Variants in INTS11 observed in about 807,000 individuals in gnomAD.
INTS11 encodes the protein CPSF3-like protein.
Under a neutral mutation model 78.6 loss-of-function variants are expected in INTS11, and 77 were observed. The observed-to-expected ratio is 0.98, with a 90% CI of 0.81 to 1.18. The LOEUF (loss-of-function observed/expected upper bound fraction) is 1.18. Among genes scored for constraint, INTS11 ranks in the 50% most tolerant of loss-of-function variants. The probability of loss-of-function intolerance (pLI) is 0.00; values close to 1 mark genes in which losing one functional copy is unlikely to be tolerated. For missense variants in INTS11, 875 were observed against 825.9 expected (o/e 1.06, Z -0.73); for synonymous variants, 441 against 326.9 (o/e 1.35, Z -3.77).
chr1:1,319,140 G>A (rs542718607), intron 4 of INTS11, 156 bp downstream of exon 4: 36 of 815,674 alleles, frequency 4.4e-5, no homozygotes, highest in South Asian at 4.3e-4. Context: ...TCGCGCTGAC[G>A]CCTCCTGGTG....
In INTS11 at chr1:1,311,847, G is replaced by T; in HGVS notation, c.*12C>A. ...GAGAGGGCAGAGGTGGCGGCTGGGT[G>T]AGTTGCCGGCCTCAGCTGGGGGCCT... On this transcript the variant is annotated 3_prime_UTR_variant, in exon 17 of 17. Transcript: ENST00000435064. The T allele has an allele frequency of 6.5e-7, 1 of 1,542,380 alleles. No individual in the cohort carries two copies. Among genetic ancestry groups the T allele is most frequent in the Non-Finnish European group, 8.7e-7 (1 of 1,144,320 alleles).
rs1251449785 is a variant in INTS11 at position 1,314,626 on chromosome 1, T to G, written c.702+198A>C. 1 of 706,496 alleles carries G rather than the reference T, an allele frequency of 1.4e-6. No individual in the cohort carries two copies. Among genetic ancestry groups the G allele is most frequent in the African/African-American group, 1.8e-5 (1 of 55,668 alleles). 43.8% of individuals were successfully genotyped at this position (706,496 alleles called of 1,614,324 possible). A position where few individuals can be genotyped will look rare whatever the true frequency, so the allele number is the denominator to read the frequency against. On this transcript the variant is annotated intron_variant, in intron 7 of 16. Transcript: ENST00000435064. The surrounding 1 kb of genome is among the most constrained non-coding windows in gnomAD (Gnocchi z 4.2). ...GCCAGGGCTTCGTCCGCACCTGAGGTAGGAGGGAAAAGGGGCTCCCTAGGA... is the reference window on the plus strand; with the variant it reads ...GCCAGGGCTTCGTCCGCACCTGAGGGAGGAGGGAAAAGGGGCTCCCTAGGA...
intron 8 of INTS11, 40 bp from the exon 9 acceptor site, chr1:1,313,961 G>C (rs747267735): frequency 6.3e-7 from 1 of 1,590,754 alleles, no homozygotes; most frequent in Non-Finnish European, 8.6e-7. Flanking sequence ...GGCCACAGGG[G>C]AGAATGCTGC....
chr1:1,320,931 G>A (rs763518380), intron 2 of INTS11, 65 bp downstream of exon 2: 2 of 1,405,372 alleles, frequency 1.4e-6, no homozygotes, highest in South Asian at 2.3e-5. Context: ...CGGCTCTGAG[G>A]CCCAGGGTCC....
rs1277013470 is a variant in INTS11 at position 1,312,158 on chromosome 1, G to A, written c.1608-11C>T. On this transcript the variant is annotated splice_polypyrimidine_tract_variant and intron_variant, in intron 15 of 16. Coordinates refer to ENST00000435064, the MANE Select transcript of INTS11 (RefSeq NM_017871.6). ...TGGTCCTTCAGGACGCTGTGGGGAG[G>A]CTCGGTGAGACCCTGCCTGGCCTCC... 2 of 1,509,728 alleles carry A rather than the reference G, an allele frequency of 1.3e-6. No individual in the cohort carries two copies. The allele number at this position is 1,509,728 out of a possible 1,614,324, so 93.5% of individuals were successfully genotyped here.
At chr1:1,318,848 C>T (rs982042478) in intron 4 of INTS11, 9 of 624,460 alleles carry the variant, frequency 1.4e-5, no homozygotes, top group East Asian at 2.8e-5. Context: ...ACCTGTCACT[C>T]GCTGATTTAA....
In INTS11 at chr1:1,312,131, AGT is replaced by A. The variant is rs2100555022; in HGVS notation, c.1622_1623del (p.His541LeufsTer24). On this transcript the variant is annotated frameshift_variant, in exon 16 of 17. Transcript: ENST00000435064. LOFTEE classifies it high-confidence loss of function. Reference protein sequence around the residue: ...YSHLKSVLKDHCVQHLPDGSV... With the variant: ...YSHLKSVLKDXCVQHLPDGSV... Reference sequence around the variant, plus strand: ...GAGCCGTCTGGGAGGTGCTGCACACAGTGGTCCTTCAGGACGCTGTGGGGAGG... The same window carrying A: ...GAGCCGTCTGGGAGGTGCTGCACACAGGTCCTTCAGGACGCTGTGGGGAGG... The A allele has an allele frequency of 6.5e-7, 1 of 1,535,936 alleles. No homozygotes were observed. Among genetic ancestry groups the A allele is most frequent in the Non-Finnish European group, 8.7e-7 (1 of 1,148,506 alleles).
intron 4 of INTS11, chr1:1,318,805 C>T: frequency 5.1e-6 from 3 of 593,712 alleles, no homozygotes; most frequent in Non-Finnish European, 3.1e-6. Flanking sequence ...GAGACACAGA[C>T]AAACCCATAA....
At chr1:1,318,516 G>A (rs998730138) in intron 4 of INTS11, 3 of 186,118 alleles carry the variant, frequency 1.6e-5, no homozygotes, top group African/African-American at 7.0e-5. Flanking sequence ...TAAATTAGCT[G>A]GGCGTATGGG....
Position 1,313,536 on chromosome 1 carries a change from C to A in INTS11, c.1014G>T (p.Arg338=). 1 of 1,613,038 alleles carries A rather than the reference C, an allele frequency of 6.2e-7. No homozygotes were observed. The highest frequency in any genetic ancestry group is 8.5e-7 in the Non-Finnish European group (1 of 1,180,020). The change falls in exon 10 of 17, where the codon CGG becomes CGT. Residue 338 remains arginine (R), a synonymous_variant. Coordinates refer to ENST00000435064, the MANE Select transcript of INTS11 (RefSeq NM_017871.6). ...TGTTCTTTTCGTTTCCGGCCCATTT[C>A]CGGAAGATCTGCAGGGACTGCCCAG... ...LHAGQSLQIF[R]KWAGNEKNMV...
Position 1,315,138 on chromosome 1 carries a change from C to A in INTS11, c.564-176G>T, listed in dbSNP as rs1642500429. ...CACACTTGGGAAGAGAGAGGAGAGA[C>A]AGAGGCACCCACCCAGACACTTCGG... On this transcript the variant is annotated intron_variant, in intron 6 of 16. Coordinates refer to ENST00000435064, the MANE Select transcript of INTS11 (RefSeq NM_017871.6). The A allele has an allele frequency of 7.5e-6, 6 of 804,846 alleles. No individual in the cohort carries two copies. The South Asian group carries it at 1.1e-4, about 14-fold the overall frequency. The allele number at this position is 804,846 out of a possible 1,614,324, so 49.9% of individuals were successfully genotyped here.
Position 1,313,804 on chromosome 1 carries a change from C to T in INTS11, c.885G>A (p.Val295=). The change falls in exon 9 of 17, where the codon GTG becomes GTA. Residue 295 remains valine, a synonymous_variant. Transcript: ENST00000435064. ...GCTTGAACTCAAACATGTTCCTCTG[C>T]ACGAAAGTCTTGCGGATCTTCTGGT... is the stretch of plus-strand genomic sequence containing the variant. ...WTNQKIRKTF[V]QRNMFEFKHI... 2 of 1,613,548 alleles carry T rather than the reference C, an allele frequency of 1.2e-6. No homozygotes were observed. Among genetic ancestry groups the T allele is most frequent in the Non-Finnish European group, 1.7e-6 (2 of 1,179,994 alleles).
chr1:1,314,694 T>G lies in INTS11; in HGVS notation c.702+130A>C. The G allele has an allele frequency of 8.7e-7, 1 of 1,143,028 alleles. No individual in the cohort carries two copies. Among genetic ancestry groups the G allele is most frequent in the Admixed American group, 2.3e-5 (1 of 44,144 alleles). The allele number at this position is 1,143,028 out of a possible 1,614,324, so 70.8% of individuals were successfully genotyped here. A position where few individuals can be genotyped will look rare whatever the true frequency, so the allele number is the denominator to read the frequency against. On this transcript the variant is annotated intron_variant, in intron 7 of 16. Transcript: ENST00000435064. This position sits in a 1 kb window ranked among gnomAD's most constrained non-coding sequence, Gnocchi z 4.2. ...CCTCCTCAATGTTGAGCAAATCTTC[T>G]TCCCTCCCTGCCTGAAAATGCAGTA...
intron 4 of INTS11, 135 bp downstream of exon 4, chr1:1,319,161 G>T: frequency 1.2e-6 from 1 of 868,550 alleles, no homozygotes; most frequent in Admixed American, 1.7e-5. Context: ...TCCCCACGGT[G>T]CTGGACGCAA....
At chr1:1,322,059 CAGGG>C in intron 1 of INTS11, 2 of 1,003,768 alleles carry the variant, frequency 2.0e-6, no homozygotes, top group Non-Finnish European at 2.7e-6. Context: ...TCTCTGAGAG[CAGGG>C]TCTCAGCTGT....
intron 4 of INTS11, chr1:1,317,400 A>G (rs1270192453): frequency 1.6e-5 from 14 of 895,284 alleles, no homozygotes; most frequent in Non-Finnish European, 1.9e-5. Context: ...CATCTCAAAA[A>G]AAAAAGAAAA....
rs553209776 is a variant in INTS11 at position 1,314,555 on chromosome 1, C to T, written c.703-190G>A. The T allele has an allele frequency of 1.9e-5, 12 of 639,096 alleles. No individual in the cohort carries two copies. Among genetic ancestry groups the T allele is most frequent in the South Asian group, 8.0e-5 (4 of 50,160 alleles). The allele number at this position is 639,096 out of a possible 1,614,324, so 39.6% of individuals were successfully genotyped here. A position where few individuals can be genotyped will look rare whatever the true frequency, so the allele number is the denominator to read the frequency against. On this transcript the variant is annotated intron_variant, in intron 7 of 16. Transcript: ENST00000435064. This position sits in a 1 kb window ranked among gnomAD's most constrained non-coding sequence, Gnocchi z 4.2. ...AGCCGTATGAGAGACAGGAGGGAGC[C>T]GCATGAGAGACAGAAGGGAGCTGCA...
In INTS11 at chr1:1,314,298, T is replaced by C. The variant is rs764960656; in HGVS notation, c.767+3A>G. The C allele has an allele frequency of 1.3e-6, 2 of 1,595,850 alleles. No homozygotes were observed. Among genetic ancestry groups the C allele is most frequent in the South Asian group, 2.3e-5 (2 of 88,288 alleles). ...CTTAAAGAGCCGTCCTGGCGGCACCTACCAGAAGGTCTCCAGGAGGATGCA... is the reference window on the plus strand; with the variant it reads ...CTTAAAGAGCCGTCCTGGCGGCACCCACCAGAAGGTCTCCAGGAGGATGCA... On this transcript the variant is annotated splice_donor_region_variant and intron_variant, in intron 8 of 16. Transcript: ENST00000435064. This position sits in a 1 kb window ranked among gnomAD's most constrained non-coding sequence, Gnocchi z 4.2.
At chr1:1,312,200 G>GGC (rs747584613) in intron 15 of INTS11, 26 bp downstream of exon 15, 1 of 1,229,634 alleles carries the variant, frequency 8.1e-7, no homozygotes, top group African/African-American at 1.6e-5. Flanking sequence ...CAAGGGAGTG[G>GGC]GGGGGGGGCG....
Sources: allele counts gnomAD v4.1 joint callset, GRCh38; gene constraint gnomAD v4.1.1; non-coding constraint Gnocchi (gnomAD v3.1); transcripts MANE v1.5; gene names NCBI Gene and HGNC (gene_info 2026-07-23, HGNC 2026-07-21).